RAB10: variants seen among roughly 807,000 people sequenced by gnomAD.
RAB10 encodes RAB10, member RAS oncogene family.
A neutral mutation model predicts 25.7 loss-of-function variants in RAB10; 5 were observed. That is an observed-to-expected ratio of 0.19 (90% CI 0.10 to 0.41). The LOEUF (loss-of-function observed/expected upper bound fraction) is 0.41, where lower values mean the gene tolerates loss of function less well. Ranked by LOEUF, RAB10 falls within the 10% of genes least tolerant of loss-of-function variation. The pLI, the probability that RAB10 is intolerant of heterozygous loss-of-function variation, is 1.00. For missense variants in RAB10, 103 were observed against 245.8 expected (o/e 0.42, Z 3.89); for synonymous variants, 89 against 86.4 (o/e 1.03, Z -0.16).
intron 2 of RAB10, among the ~76,000 whole-genome samples, chr2:26,104,962 C>G (rs912794272): frequency 8.6e-5 from 13 of 152,020 alleles, no homozygotes; most frequent in Non-Finnish European, 1.6e-4. Context: ...TGGTCTCAGT[C>G]TCCTGACCTC....
rs1668090853 is a variant in RAB10 at position 26,135,422 on chromosome 2, G to A, written c.*401G>A. On this transcript the variant is annotated 3_prime_UTR_variant, in exon 6 of 6. Transcript: ENST00000264710. The stretch of plus-strand genomic sequence containing the variant: ...TGGAATTTTCTGTCATGGATAATGT[G>A]CTTGAGTCCCTATAATCTATAGACA... The A allele has an allele frequency of 6.4e-6, 1 of 156,638 alleles. No individual in the cohort carries two copies. The highest frequency in any genetic ancestry group is 1.4e-5 in the Non-Finnish European group (1 of 70,830). 9.7% of individuals were successfully genotyped at this position (156,638 alleles called of 1,614,324 possible).
In RAB10 at chr2:26,137,052, A is replaced by G. The variant is rs916936742; in HGVS notation, c.*2031A>G. On this transcript the variant is annotated 3_prime_UTR_variant, in exon 6 of 6. Coordinates refer to ENST00000264710, the MANE Select transcript of RAB10 (RefSeq NM_016131.5). ...TTTTAACCCTCTTTAATTCTTATTC[A>G]ATTCCATGACTTAAGGTTGGAGAGC... is the stretch of plus-strand genomic sequence containing the variant. The G allele has an allele frequency of 6.6e-6, 1 of 152,636 alleles. No individual in the cohort carries two copies. Among genetic ancestry groups the G allele is most frequent in the African/African-American group, 2.4e-5 (1 of 41,450 alleles). 9.5% of individuals were successfully genotyped at this position (152,636 alleles called of 1,614,324 possible).
intron 4 of RAB10, 67 bp from the exon 5 acceptor site, chr2:26,127,783 C>A (rs2149289727): frequency 9.3e-7 from 1 of 1,079,092 alleles, no homozygotes; most frequent in Non-Finnish European, 1.4e-6. Flanking sequence ...AATATTTAAG[C>A]TGTTAAAGTC....
At chr2:26,093,463 A>G (rs1158552648) in intron 1 of RAB10, among the ~76,000 whole-genome samples, 1 of 152,224 alleles carries the variant, frequency 6.6e-6, no homozygotes, top group African/African-American at 2.4e-5. Flanking sequence ...TATATTTAAG[A>G]TTGCAGCACA....
chr2:26,091,884 G>A (rs901376305), intron 1 of RAB10, among the ~76,000 whole-genome samples: 2 of 152,126 alleles, frequency 1.3e-5, no homozygotes, highest in Non-Finnish European at 2.9e-5. Flanking sequence ...AGTAAGATCA[G>A]ATGAGGACCA....
In RAB10 at chr2:26,137,260, T is replaced by C. The variant is rs1668130806; in HGVS notation, c.*2239T>C. 1 of 152,702 alleles carries C rather than the reference T, an allele frequency of 6.5e-6. No homozygotes were observed. Among genetic ancestry groups the C allele is most frequent in the African/African-American group, 2.4e-5 (1 of 41,480 alleles). 9.5% of individuals were successfully genotyped at this position (152,702 alleles called of 1,614,324 possible). ...AAACATGAGTTTTATTTGCTTAATA[T>C]TAGGGCTTTGCCCCTTTTCTGTAAG... On this transcript the variant is annotated 3_prime_UTR_variant, in exon 6 of 6. Transcript: ENST00000264710.
Position 26,034,374 on chromosome 2 carries a change from G to A in RAB10, c.-235G>A, listed in dbSNP as rs999820255. ...TGTCCCGACCGACTCCCCGGAACCG[G>A]GCGGACGGGCTGGGAGAGGCTGCGG... is the stretch of plus-strand genomic sequence containing the variant. On this transcript the variant is annotated 5_prime_UTR_variant, in exon 1 of 6. Coordinates refer to ENST00000264710, the MANE Select transcript of RAB10 (RefSeq NM_016131.5). 6.7e-6 allele frequency: 4 copies of A among 598,606 alleles called. No homozygotes were observed. The African/African-American group carries it at 7.4e-5, about 11-fold the overall frequency. 37.1% of individuals were successfully genotyped at this position (598,606 alleles called of 1,614,324 possible). A position where few individuals can be genotyped will look rare whatever the true frequency, so the allele number is the denominator to read the frequency against.
At chr2:26,121,250 A>G (rs909243402) in intron 3 of RAB10, among the ~76,000 whole-genome samples, 1 of 152,198 alleles carries the variant, frequency 6.6e-6, no homozygotes, top group Non-Finnish European at 1.5e-5. Flanking sequence ...TACTAAGGGT[A>G]TCGTCCTTGC....
At chr2:26,102,911 G>A (rs982204776) in intron 2 of RAB10, among the ~76,000 whole-genome samples, 1 of 152,192 alleles carries the variant, frequency 6.6e-6, no homozygotes, top group African/African-American at 2.4e-5. Context: ...TAATACCATA[G>A]AGCATCTGTC....
chr2:26,128,322 T>G (rs1173491071), intron 5 of RAB10, among the ~76,000 whole-genome samples: 2 of 152,308 alleles, frequency 1.3e-5, no homozygotes, highest in Non-Finnish European at 1.5e-5. Flanking sequence ...GCTCACTCAC[T>G]TGCTGCTCAC....
chr2:26,034,745 G>T lies in RAB10; in HGVS notation c.127+10G>T. ...TTTATTTCCACCATAGGTAAGACCT[G>T]TGGGAGGACGGTGTACGGTCTCGGT... On this transcript the variant is annotated intron_variant, in intron 1 of 5. Coordinates refer to ENST00000264710, the MANE Select transcript of RAB10 (RefSeq NM_016131.5). 1 of 1,614,108 alleles carries T rather than the reference G, an allele frequency of 6.2e-7. No individual in the cohort carries two copies.
intron 1 of RAB10, among the ~76,000 whole-genome samples, chr2:26,077,803 C>T (rs1666769991): frequency 6.6e-6 from 1 of 152,154 alleles, no homozygotes; most frequent in African/African-American, 2.4e-5. Flanking sequence ...CACAGTGAAA[C>T]TCCGTCTCTG....
intron 1 of RAB10, among the ~76,000 whole-genome samples, chr2:26,095,893 G>C (rs1293525655): frequency 6.6e-6 from 1 of 152,184 alleles, no homozygotes; most frequent in East Asian, 1.9e-4. Flanking sequence ...CTGGGTGACA[G>C]AGCGACAGCC....
chr2:26,098,513 C>A (rs1667276721), intron 1 of RAB10, 149 bp from the exon 2 acceptor site: 2 of 624,806 alleles, frequency 3.2e-6, no homozygotes, highest in East Asian at 6.1e-5. Flanking sequence ...AAATTGGATA[C>A]ATTTGCTCAG....
At chr2:26,110,033 C>A (rs1667538449) in intron 3 of RAB10, 127 bp downstream of exon 3, 3 of 1,122,936 alleles carry the variant, frequency 2.7e-6, no homozygotes, top group Non-Finnish European at 3.5e-6. Context: ...TGAAGTATTT[C>A]TATTTTCTAA....
At chr2:26,063,153 A>T (rs1418441977) in intron 1 of RAB10, among the ~76,000 whole-genome samples, 4 of 151,120 alleles carry the variant, frequency 2.6e-5, no homozygotes, top group African/African-American at 4.9e-5. Flanking sequence ...AGTTATTTTT[A>T]AAATCTAATG....
chr2:26,125,455 A>G (rs60988404), intron 3 of RAB10, among the ~76,000 whole-genome samples: 1 of 74,368 alleles, frequency 1.3e-5, no homozygotes, highest in African/African-American at 6.2e-5. Flanking sequence ...TTTTTTTTTT[A>G]AATTTTTTCC....
chr2:26,080,820 C>A (rs748620363), intron 1 of RAB10, among the ~76,000 whole-genome samples: 1 of 152,084 alleles, frequency 6.6e-6, no homozygotes, highest in East Asian at 1.9e-4. Flanking sequence ...AAGTGGAAGA[C>A]AGTAAATTTG....
chr2:26,061,078 C>T, intron 1 of RAB10, among the ~76,000 whole-genome samples: 1 of 128,374 alleles, frequency 7.8e-6, no homozygotes, highest in Non-Finnish European at 1.7e-5. Flanking sequence ...ATTTTTTTTT[C>T]CATTTATCTC....
Sources: allele counts gnomAD v4.1 joint callset (sites outside exome capture counted in the v4.1 genomes callset), GRCh38; gene constraint gnomAD v4.1.1; transcripts MANE v1.5; gene names NCBI Gene and HGNC (gene_info 2026-07-23, HGNC 2026-07-21).